The following SLC4A10 variants were observed in gnomAD, a reference collection of about 807,000 sequenced individuals.
SLC4A10 encodes the protein sodium-driven chloride bicarbonate exchanger.
In SLC4A10, 42 loss-of-function variants were observed where a neutral mutation model predicts 137.7. The observed-to-expected ratio is 0.30, with a 90% CI of 0.24 to 0.39. The LOEUF (loss-of-function observed/expected upper bound fraction) is 0.39. Among genes scored for constraint, SLC4A10 ranks in the 10% least tolerant of loss-of-function variants. SLC4A10 has a pLI of 1.00. For missense variants in SLC4A10, 925 were observed against 1,355.0 expected (o/e 0.68, Z 4.98); for synonymous variants, 474 against 464.1 (o/e 1.02, Z -0.27).
At position 161,839,964 on chromosome 2, in the gene SLC4A10, G is replaced by T. The variant is rs997330419; in HGVS notation, c.416+37G>T. On this transcript the variant is annotated intron_variant, in intron 4 of 26. Coordinates refer to ENST00000446997, the MANE Select transcript of SLC4A10 (RefSeq NM_001178015.2). ...TGTTAAAGGGTGAAGGTATACTAAA[G>T]AATTTTCATGTTACTAGAAAAAGAG... 5.6e-6 allele frequency: 9 copies of T among 1,604,954 alleles called. No homozygotes were observed. In the East Asian group the frequency reaches 1.3e-4, roughly 24 times the overall value.
intron 1 of SLC4A10, among the ~76,000 whole-genome samples, chr2:161,670,151 A>G (rs898866143): frequency 6.6e-6 from 1 of 152,054 alleles, no homozygotes; most frequent in African/African-American, 2.4e-5. Context: ...GAATAATGTT[A>G]TCATTATTAT....
At chr2:161,919,419 C>A (rs1400036857) in intron 15 of SLC4A10, among the ~76,000 whole-genome samples, 1 of 152,122 alleles carries the variant, frequency 6.6e-6, no homozygotes, top group Non-Finnish European at 1.5e-5. Context: ...ACTTTTGCTG[C>A]TCACCCATGG....
chr2:161,711,931 A>G (rs994734171), intron 1 of SLC4A10, among the ~76,000 whole-genome samples: 1 of 151,862 alleles, frequency 6.6e-6, no homozygotes, highest in Non-Finnish European at 1.5e-5. Flanking sequence ...ACATATATCA[A>G]ACATATTATT....
At chr2:161,947,262 C>T (rs765885807) in intron 16 of SLC4A10, among the ~76,000 whole-genome samples, 1 of 152,000 alleles carries the variant, frequency 6.6e-6, no homozygotes, top group Non-Finnish European at 1.5e-5. Context: ...CAATATATCT[C>T]GTGTTAGGAA....
chr2:161,657,175 T>G (rs1383837436), intron 1 of SLC4A10, among the ~76,000 whole-genome samples: 1 of 152,156 alleles, frequency 6.6e-6, no homozygotes, highest in East Asian at 1.9e-4. Context: ...TATATGAATA[T>G]TGAGTAGAAA....
At chr2:161,928,302 C>T (rs1277214851) in intron 15 of SLC4A10, among the ~76,000 whole-genome samples, 1 of 143,080 alleles carries the variant, frequency 7.0e-6, no homozygotes, top group Non-Finnish European at 1.5e-5. Context: ...TATTCTCACT[C>T]ATAGGCGGGA....
chr2:161,745,212 A>T (rs532102318), intron 1 of SLC4A10, among the ~76,000 whole-genome samples: 2 of 152,202 alleles, frequency 1.3e-5, no homozygotes, highest in African/African-American at 4.8e-5. Flanking sequence ...TTTTGGGGCT[A>T]TAGTCTAGAT....
chr2:161,818,806 C>T (rs1200956927), intron 3 of SLC4A10, among the ~76,000 whole-genome samples: 1 of 152,184 alleles, frequency 6.6e-6, no homozygotes. Context: ...GTTGAACCAG[C>T]CTTGCATCCC....
At chr2:161,627,701 T>C (rs2032702125) in intron 1 of SLC4A10, among the ~76,000 whole-genome samples, 1 of 152,154 alleles carries the variant, frequency 6.6e-6, no homozygotes. Flanking sequence ...TTGCATTTTG[T>C]AGACTCTAAT....
At chr2:161,802,483 A>G (rs1477422435) in intron 2 of SLC4A10, among the ~76,000 whole-genome samples, 2 of 152,134 alleles carry the variant, frequency 1.3e-5, no homozygotes, top group East Asian at 3.8e-4. Context: ...TCCCTTTCAA[A>G]GAAACACTAT....
chr2:161,982,172 AT>A (rs985034700), intron 26 of SLC4A10, among the ~76,000 whole-genome samples: 1 of 152,124 alleles, frequency 6.6e-6, no homozygotes, highest in Non-Finnish European at 1.5e-5. Context: ...GTAAAAATGT[AT>A]GGATACTTAC....
chr2:161,636,403 A>T (rs1323564173), intron 1 of SLC4A10, among the ~76,000 whole-genome samples: 2 of 151,724 alleles, frequency 1.3e-5, no homozygotes, highest in African/African-American at 4.8e-5. Context: ...TTATTTATTC[A>T]CCTTTTTTGA....
chr2:161,656,177 T>A (rs954408591), intron 1 of SLC4A10, among the ~76,000 whole-genome samples: 1 of 152,134 alleles, frequency 6.6e-6, no homozygotes, highest in Admixed American at 6.5e-5. Flanking sequence ...TGGTTCAATA[T>A]TCACAAATCA....
intron 3 of SLC4A10, among the ~76,000 whole-genome samples, chr2:161,829,530 T>G (rs965450306): frequency 6.6e-6 from 1 of 152,208 alleles, no homozygotes; most frequent in Non-Finnish European, 1.5e-5. Context: ...AAAATTGTCA[T>G]GGATTCTCAT....
chr2:161,703,890 G>T (rs1240788047), intron 1 of SLC4A10, among the ~76,000 whole-genome samples: 2 of 151,620 alleles, frequency 1.3e-5, no homozygotes, highest in Non-Finnish European at 3.0e-5. Flanking sequence ...AGGCAGCATT[G>T]ATTATTTGCC....
intron 1 of SLC4A10, chr2:161,708,903 AAT>A (rs2043978453): frequency 7.0e-7 from 1 of 1,426,672 alleles, no homozygotes; most frequent in African/African-American, 1.5e-5. Context: ...ACTCATTGAA[AAT>A]ATATTCATTA....
At chr2:161,777,178 A>T (rs996825340) in intron 2 of SLC4A10, among the ~76,000 whole-genome samples, 8 of 151,232 alleles carry the variant, frequency 5.3e-5, no homozygotes, top group African/African-American at 1.7e-4. Flanking sequence ...GGGTAAAAAA[A>T]TTTTTAATTA....
At chr2:161,641,581 C>A (rs2035329738) in intron 1 of SLC4A10, among the ~76,000 whole-genome samples, 1 of 152,002 alleles carries the variant, frequency 6.6e-6, no homozygotes, top group Admixed American at 6.6e-5. Context: ...GTTTCACATT[C>A]ATTATTGTAT....
chr2:161,732,685 G>A (rs887618769), intron 1 of SLC4A10, among the ~76,000 whole-genome samples: 29 of 152,344 alleles, frequency 1.9e-4, no homozygotes, highest in Admixed American at 1.4e-3. Context: ...GTAATAGGTA[G>A]AAGTTGGAAC....
Sources: allele counts gnomAD v4.1 joint callset (sites outside exome capture counted in the v4.1 genomes callset), GRCh38; gene constraint gnomAD v4.1.1; transcripts MANE v1.5; gene names NCBI Gene and HGNC (gene_info 2026-07-23, HGNC 2026-07-21).